Variants in CDH18 observed in about 807,000 individuals in gnomAD.
CDH18 encodes the protein cadherin 18, also known as cadherin-18.
Under a neutral mutation model 67.9 loss-of-function variants are expected in CDH18, and 31 were observed. The observed-to-expected ratio is 0.46, with a 90% CI of 0.34 to 0.62. The LOEUF is 0.62. Ranked by LOEUF, CDH18 falls within the 20% of genes least tolerant of loss-of-function variation. The pLI, the probability that CDH18 is intolerant of heterozygous loss-of-function variation, is 0.01. For missense variants in CDH18, 890 were observed against 975.5 expected (o/e 0.91, Z 1.17); for synonymous variants, 362 against 347.2 (o/e 1.04, Z -0.48).
intron 2 of CDH18, among the ~76,000 whole-genome samples, chr5:19,853,448 ACACT>A (rs1419582490): frequency 5.3e-5 from 8 of 152,128 alleles, no homozygotes; most frequent in Admixed American, 1.3e-4. Context: ...GAAAACACAA[ACACT>A]CAGTCCATAA....
intron 2 of CDH18, among the ~76,000 whole-genome samples, chr5:20,148,686 A>T (rs1347034429): frequency 2.0e-5 from 3 of 152,116 alleles, no homozygotes; most frequent in Non-Finnish European, 4.4e-5. Context: ...ATTAGTCCAT[A>T]GAAGTGGGTC....
chr5:20,281,701 G>A (rs2126702230), intron 1 of CDH18, among the ~76,000 whole-genome samples: 1 of 152,138 alleles, frequency 6.6e-6, no homozygotes, highest in Non-Finnish European at 1.5e-5. Flanking sequence ...GCTCTCTTTT[G>A]GTTCCATATG....
chr5:19,883,353 C>T (rs16888147), intron 2 of CDH18, among the ~76,000 whole-genome samples: 4,543 of 151,944 alleles, frequency 0.03, 206 homozygotes, highest in African/African-American at 0.1. Context: ...AAGTCACTGA[C>T]GAAATCACAA....
intron 1 of CDH18, among the ~76,000 whole-genome samples, chr5:20,517,484 C>T (rs1370327322): frequency 6.6e-6 from 1 of 151,478 alleles, no homozygotes; most frequent in Non-Finnish European, 1.5e-5. Context: ...ACTTAATTTC[C>T]TTGACCAATG....
intron 1 of CDH18, among the ~76,000 whole-genome samples, chr5:20,480,113 T>C (rs1028736309): frequency 1.3e-5 from 2 of 152,234 alleles, no homozygotes; most frequent in Admixed American, 6.5e-5. Context: ...CAACACGAGA[T>C]CTGTGCTATA....
chr5:19,485,120 AAC>A (rs1410386283), intron 11 of CDH18, among the ~76,000 whole-genome samples: 3 of 152,210 alleles, frequency 2.0e-5, no homozygotes, highest in African/African-American at 7.2e-5. Flanking sequence ...CATATAATAA[AAC>A]ACAAGAAAAT....
intron 7 of CDH18, among the ~76,000 whole-genome samples, chr5:19,573,642 C>T (rs1741835926): frequency 6.6e-6 from 1 of 152,152 alleles, no homozygotes; most frequent in Non-Finnish European, 1.5e-5. Flanking sequence ...ATCCTTCCTC[C>T]TTTACATTAA....
intron 2 of CDH18, among the ~76,000 whole-genome samples, chr5:20,155,325 A>AT (rs1751440754): frequency 6.6e-6 from 1 of 152,174 alleles, no homozygotes; most frequent in Non-Finnish European, 1.5e-5. Context: ...GTATTTTTTA[A>AT]TTTTTTTGTT....
intron 1 of CDH18, among the ~76,000 whole-genome samples, chr5:20,455,079 A>AG (rs1750747124): frequency 7.6e-6 from 1 of 131,970 alleles, no homozygotes; most frequent in Non-Finnish European, 1.5e-5. Context: ...TGTGAGCAGA[A>AG]AAAAAAAAAA....
At chr5:19,576,846 A>G (rs976179130) in intron 7 of CDH18, among the ~76,000 whole-genome samples, 1 of 152,236 alleles carries the variant, frequency 6.6e-6, no homozygotes, top group African/African-American at 2.4e-5. Context: ...CAAAGTATTC[A>G]TCCACGAATA....
intron 2 of CDH18, among the ~76,000 whole-genome samples, chr5:19,898,829 T>G (rs1789628385): frequency 6.6e-6 from 1 of 152,036 alleles, no homozygotes; most frequent in African/African-American, 2.4e-5. Flanking sequence ...ACTTAAAAGC[T>G]TTGGCACAGC....
intron 1 of CDH18, among the ~76,000 whole-genome samples, chr5:20,291,191 G>A (rs990066915): frequency 1.3e-5 from 2 of 152,088 alleles, no homozygotes; most frequent in Non-Finnish European, 2.9e-5. Context: ...GGGAAATAGT[G>A]AATCAAAGAG....
intron 1 of CDH18, among the ~76,000 whole-genome samples, chr5:20,387,224 T>C (rs1436354393): frequency 1.3e-5 from 2 of 152,164 alleles, no homozygotes; most frequent in Non-Finnish European, 2.9e-5. Flanking sequence ...CTTCCACTTG[T>C]TTGTATCCTT....
At chr5:20,560,181 T>C (rs1581200856) in intron 1 of CDH18, among the ~76,000 whole-genome samples, 1 of 152,102 alleles carries the variant, frequency 6.6e-6, no homozygotes, top group East Asian at 1.9e-4. Context: ...AGTTTCTTAT[T>C]TGACAGGGAT....
intron 2 of CDH18, among the ~76,000 whole-genome samples, chr5:20,050,673 T>C (rs2150489453): frequency 6.6e-6 from 1 of 151,938 alleles, no homozygotes; most frequent in African/African-American, 2.4e-5. Context: ...TTTCCTAAGG[T>C]CAATAAGAAG....
chr5:19,481,214 ATC>A (rs1739364901), intron 12 of CDH18, among the ~76,000 whole-genome samples: 1 of 152,092 alleles, frequency 6.6e-6, no homozygotes, highest in Admixed American at 6.6e-5. Context: ...CCAGTCCATT[ATC>A]TCTCTACATA....
chr5:19,642,310 T>C (rs1051641550), intron 5 of CDH18, among the ~76,000 whole-genome samples: 15 of 151,908 alleles, frequency 9.9e-5, no homozygotes, highest in African/African-American at 1.4e-4. Flanking sequence ...ACTTTCTTTA[T>C]GGAAATAGAA....
chr5:20,280,455 G>A (rs937917382), intron 1 of CDH18, among the ~76,000 whole-genome samples: 9 of 152,098 alleles, frequency 5.9e-5, no homozygotes, highest in Admixed American at 1.3e-4. Flanking sequence ...GAGAACATGC[G>A]GTGTTTGCTT....
At chr5:19,730,968 G>C (rs1607901) in intron 4 of CDH18, among the ~76,000 whole-genome samples, 136,174 of 152,206 alleles carry the variant, frequency 0.89, 62,674 homozygotes, top group East Asian at 1. Context: ...TGGAGATGAG[G>C]AGGCTTTCTG....
Sources: allele counts gnomAD v4.1 joint callset (sites outside exome capture counted in the v4.1 genomes callset), GRCh38; gene constraint gnomAD v4.1.1; transcripts MANE v1.5; gene names NCBI Gene and HGNC (gene_info 2026-07-23, HGNC 2026-07-21).